ANKIB1: variants seen among roughly 807,000 people sequenced by gnomAD.
ANKIB1 encodes ankyrin repeat and IBR domain-containing protein 1.
A neutral mutation model predicts 122.1 loss-of-function variants in ANKIB1; 43 were observed. That is an observed-to-expected ratio of 0.35 (90% CI 0.28 to 0.45). The LOEUF (loss-of-function observed/expected upper bound fraction) is 0.45. ANKIB1 is among the 20% of genes least tolerant of loss of function. ANKIB1 has a pLI of 1.00. For missense variants in ANKIB1, 992 were observed against 1,329.5 expected (o/e 0.75, Z 3.95); for synonymous variants, 390 against 442.0 (o/e 0.88, Z 1.48).
Position 92,350,990 on chromosome 7 carries a change from A to G in ANKIB1, c.1126A>G (p.Ile376Val). ...AATTCAAGAAGGTGAAGCTCACAAC[A>G]TTTTTTGCCCTGCATATGATTGCTT... ...LKIQEGEAHN[I>V]FCPAYDCFQL... Residue 376 changes from isoleucine to valine, a missense_variant, in exon 8 of 20, where the codon ATT (isoleucine) becomes GTT (valine). Transcript: ENST00000265742. The G allele has an allele frequency of 6.2e-7, 1 of 1,607,074 alleles. No individual in the cohort carries two copies. Among genetic ancestry groups the G allele is most frequent in the Non-Finnish European group, 8.5e-7 (1 of 1,176,750 alleles).
intron 1 of ANKIB1, 60 bp from the exon 2 acceptor site, chr7:92,294,829 T>C: frequency 1.7e-6 from 1 of 583,654 alleles, no homozygotes; most frequent in Non-Finnish European, 2.8e-6. Flanking sequence ...CTAATTGTGT[T>C]ATTGTTTCTT....
At chr7:92,363,488 G>T (rs1803999445) in intron 10 of ANKIB1, among the ~76,000 whole-genome samples, 1 of 152,340 alleles carries the variant, frequency 6.6e-6, no homozygotes, top group African/African-American at 2.4e-5. Context: ...GGCATGCAGA[G>T]GCTAGAGGGA....
At position 92,379,302 on chromosome 7, in the gene ANKIB1, G is replaced by A. The variant is rs530092814; in HGVS notation, c.1618-7207G>A. On this transcript the variant is annotated intron_variant, in intron 11 of 19. Coordinates refer to ENST00000265742, the MANE Select transcript of ANKIB1 (RefSeq NM_019004.2). ...AGCTACTCGGGAGGCTGAGGCAGGA[G>A]AATGGTGTGAACCTGGGAGGCAGAG... Among the ~76,000 whole-genome samples the A allele has an allele frequency of 7.9e-5, 12 of 152,300 alleles. No individual in the cohort carries two copies. The South Asian group carries it at 2.3e-3, about 29-fold the overall frequency.
intron 1 of ANKIB1, among the ~76,000 whole-genome samples, chr7:92,291,863 C>T (rs1256971141): frequency 2.0e-5 from 3 of 152,154 alleles, no homozygotes; most frequent in Non-Finnish European, 4.4e-5. Flanking sequence ...GCGTGAGCTA[C>T]CACACCCGGC....
rs140561851 is a variant in ANKIB1 at position 92,348,626 on chromosome 7, C to T, written c.1086-2324C>T. 1.1e-4 allele frequency among the ~76,000 whole-genome samples: 17 copies of T among 152,176 alleles called. No homozygotes were observed. In the East Asian group the frequency reaches 2.1e-3, roughly 19 times the overall value. ...GTCTTGAACCCCTGACCTTGTGATC[C>T]GCCTACCTCGGCCTCCCAAAGCGCT... On this transcript the variant is annotated intron_variant, in intron 7 of 19. Transcript: ENST00000265742.
intron 1 of ANKIB1, among the ~76,000 whole-genome samples, chr7:92,264,032 G>A (rs1182595454): frequency 6.6e-6 from 1 of 152,034 alleles, no homozygotes; most frequent in African/African-American, 2.4e-5. Flanking sequence ...TTTTTTTCAT[G>A]TGTTATATCT....
At chr7:92,286,546 C>T (rs1190853642) in intron 1 of ANKIB1, among the ~76,000 whole-genome samples, 5 of 149,464 alleles carry the variant, frequency 3.3e-5, no homozygotes, top group South Asian at 2.1e-4. Flanking sequence ...GTGGCACGGT[C>T]GCAGCTCACT....
In ANKIB1 at chr7:92,350,660, T is replaced by C. The variant is rs369874793; in HGVS notation, c.1086-290T>C. ...ATCGCTTGAGACCAGGGGTTCGAGA[T>C]CAGTCTGGACAACATAGCAAGACCC... is the stretch of plus-strand genomic sequence containing the variant. On this transcript the variant is annotated intron_variant, in intron 7 of 19. Transcript: ENST00000265742. 3.2e-4 allele frequency among the ~76,000 whole-genome samples: 48 copies of C among 152,128 alleles called. 1 individual carries two copies. The highest frequency in any genetic ancestry group is 9.9e-4 in the African/African-American group (41 of 41,506).
At chr7:92,332,412 G>A (rs1803190692) in intron 5 of ANKIB1, among the ~76,000 whole-genome samples, 1 of 152,124 alleles carries the variant, frequency 6.6e-6, no homozygotes, top group African/African-American at 2.4e-5. Flanking sequence ...ATTATACTGT[G>A]TTATCAAATA....
intron 2 of ANKIB1, among the ~76,000 whole-genome samples, chr7:92,298,225 CATG>C (rs1353846937): frequency 6.6e-6 from 1 of 151,968 alleles, no homozygotes; most frequent in African/African-American, 2.4e-5. Context: ...GGCTTTTTAA[CATG>C]ATCTTTTTGT....
chr7:92,260,311 A>G (rs1052981375), intron 1 of ANKIB1, among the ~76,000 whole-genome samples: 4 of 152,064 alleles, frequency 2.6e-5, no homozygotes, highest in African/African-American at 7.2e-5. Context: ...TGCACTGGCT[A>G]TTTCCTCTAT....
chr7:92,344,292 C>T (rs1284447319), intron 6 of ANKIB1, among the ~76,000 whole-genome samples: 4 of 148,560 alleles, frequency 2.7e-5, no homozygotes, highest in Non-Finnish European at 1.5e-5. Flanking sequence ...GCAACCTCCA[C>T]CTCCCAGATT....
intron 3 of ANKIB1, among the ~76,000 whole-genome samples, chr7:92,318,006 G>T (rs963117526): frequency 3.3e-5 from 5 of 152,204 alleles, no homozygotes; most frequent in Admixed American, 3.3e-4. Context: ...TCCAGTCATG[G>T]TTAAAAACTT....
Position 92,400,935 on chromosome 7 carries a change from A to G in ANKIB1, c.*1986A>G, listed in dbSNP as rs1481100646. On this transcript the variant is annotated 3_prime_UTR_variant, in exon 20 of 20. Transcript: ENST00000265742. ...GACCAAGTTGTAATTTTTCCAATAT[A>G]GAGTCTTTGCATCACACTGAGGCAT... 1.3e-5 allele frequency: 2 copies of G among 152,258 alleles called. No individual in the cohort carries two copies. Among genetic ancestry groups the G allele is most frequent in the African/African-American group, 2.4e-5 (1 of 41,468 alleles). 9.4% of individuals were successfully genotyped at this position (152,258 alleles called of 1,614,324 possible).
At chr7:92,380,871 C>T (rs937844348) in intron 11 of ANKIB1, among the ~76,000 whole-genome samples, 7 of 152,174 alleles carry the variant, frequency 4.6e-5, no homozygotes, top group South Asian at 2.1e-4. Flanking sequence ...TGCAGCTCCT[C>T]GCCAGCAACG....
chr7:92,328,780 A>G lies in ANKIB1; in HGVS notation c.787+880A>G, dbSNP rs375201655. ...ATGATCTATACTAAAATAGAATGCC[A>G]TCTTCCAAAATTTTTATATAATCTT... On this transcript the variant is annotated intron_variant, in intron 5 of 19. Transcript: ENST00000265742. 3.0e-4 allele frequency among the ~76,000 whole-genome samples: 45 copies of G among 151,898 alleles called. No homozygotes were observed. The South Asian group carries it at 8.5e-3, about 29-fold the overall frequency.
chr7:92,392,469 C>T (rs564988246), intron 17 of ANKIB1, among the ~76,000 whole-genome samples, 177 bp downstream of exon 17: 18 of 152,112 alleles, frequency 1.2e-4, no homozygotes, highest in African/African-American at 3.9e-4. Context: ...ATTGCTATAT[C>T]GTCACATTGT....
chr7:92,387,928 G>T, intron 13 of ANKIB1, 44 bp downstream of exon 13: 1 of 1,606,020 alleles, frequency 6.2e-7, no homozygotes, highest in Non-Finnish European at 8.5e-7. Flanking sequence ...ATACTGTTGT[G>T]AATAAATAAA....
At chr7:92,275,687 A>G (rs2131896589) in intron 1 of ANKIB1, among the ~76,000 whole-genome samples, 1 of 152,264 alleles carries the variant, frequency 6.6e-6, no homozygotes, top group Admixed American at 6.5e-5. Flanking sequence ...ATTAAGTAGA[A>G]GTGCACAAAC....
Sources: allele counts gnomAD v4.1 joint callset (sites outside exome capture counted in the v4.1 genomes callset), GRCh38; gene constraint gnomAD v4.1.1; transcripts MANE v1.5; gene names NCBI Gene and HGNC (gene_info 2026-07-23, HGNC 2026-07-21).